Variants in SPRED2 observed in about 807,000 individuals in gnomAD.
SPRED2 encodes the protein sprouty related EVH1 domain containing 2, also known as sprouty-related, EVH1 domain-containing protein 2.
A neutral mutation model predicts 43.0 loss-of-function variants in SPRED2; 47 were observed. The ratio of observed to expected loss-of-function variants is 1.09; its 90% CI spans 0.87 to 1.40. The LOEUF (loss-of-function observed/expected upper bound fraction) is 1.40, where lower values mean the gene tolerates loss of function less well. Among genes scored for constraint, SPRED2 ranks in the 40% most tolerant of loss-of-function variants. The pLI is 0.00. For synonymous variants in SPRED2, 225 were observed against 225.7 expected, an observed-to-expected ratio of 1.00 and a Z score of 0.03; for missense variants, 561 against 586.4, an observed-to-expected ratio of 0.96 and a Z score of 0.45.
rs1225926285 is a variant in SPRED2 at position 65,335,375 on chromosome 2, ATTAACT to A, written c.205-608_205-603del. ...TGCTGCCACCCTGATCTGGGTCTCT[ATTAACT>A]TTATGTTTGGATTAATAGAACAATA... On this transcript the variant is annotated intron_variant, in intron 2 of 5. Coordinates refer to ENST00000356388, the MANE Select transcript of SPRED2 (RefSeq NM_181784.3). 6.6e-5 allele frequency among the ~76,000 whole-genome samples: 10 copies of A among 152,248 alleles called. No individual in the cohort carries two copies. The East Asian group carries it at 1.9e-3, about 29-fold the overall frequency.
At position 65,346,484 on chromosome 2, in the gene SPRED2, C is replaced by T. The variant is rs1280579913; in HGVS notation, c.27-1588G>A. On this transcript the variant is annotated intron_variant, in intron 1 of 5. Coordinates refer to ENST00000356388, the MANE Select transcript of SPRED2 (RefSeq NM_181784.3). The stretch of plus-strand genomic sequence containing the variant: ...AACTTTTCGTCATTCCAAACTGAAA[C>T]TCTGTACCTATGAAAAACACTAACT... 2.0e-5 allele frequency among the ~76,000 whole-genome samples: 3 copies of T among 152,284 alleles called. No individual in the cohort carries two copies. The East Asian group carries it at 5.8e-4, about 29-fold the overall frequency.
Position 65,311,288 on chromosome 2 carries a change from T to C in SPRED2, c.*2213A>G. 1.0e-6 allele frequency: 1 copy of C among 985,924 alleles called. No homozygotes were observed. The highest frequency in any genetic ancestry group is 1.2e-6 in the Non-Finnish European group (1 of 829,958). 61.1% of individuals were successfully genotyped at this position (985,924 alleles called of 1,614,324 possible). ...GTATTTACATAAATGTCCCCATGGC[T>C]GTCTTTGTGCCCTTAACCGATGCCT... On this transcript the variant is annotated 3_prime_UTR_variant, in exon 6 of 6. Coordinates refer to ENST00000356388, the MANE Select transcript of SPRED2 (RefSeq NM_181784.3).
chr2:65,334,834 C>T (rs1427904328), intron 2 of SPRED2, 61 bp from the exon 3 acceptor site: 13 of 1,577,426 alleles, frequency 8.2e-6, no homozygotes, highest in Non-Finnish European at 1.1e-5. Context: ...TGTCTGGTTA[C>T]AGAAGTCTAA....
At chr2:65,393,286 G>C (rs1362401764) in intron 1 of SPRED2, among the ~76,000 whole-genome samples, 1 of 150,100 alleles carries the variant, frequency 6.7e-6, no homozygotes, top group African/African-American at 2.5e-5. Context: ...GCTGAAAATT[G>C]CTATTTTATG....
chr2:65,333,280 AAG>A (rs1484937638), intron 3 of SPRED2, among the ~76,000 whole-genome samples: 21 of 152,008 alleles, frequency 1.4e-4, no homozygotes, highest in Non-Finnish European at 7.4e-5. Context: ...AAAAAAGAAA[AAG>A]AAAATATTTT....
At chr2:65,406,720 T>C (rs941231461) in intron 1 of SPRED2, among the ~76,000 whole-genome samples, 1 of 152,190 alleles carries the variant, frequency 6.6e-6, no homozygotes, top group Admixed American at 6.5e-5. Context: ...CTAAAAATAG[T>C]AACATCGTTT....
At chr2:65,430,890 C>T (rs1301016806) in intron 1 of SPRED2, among the ~76,000 whole-genome samples, 1 of 151,492 alleles carries the variant, frequency 6.6e-6, no homozygotes, top group Non-Finnish European at 1.5e-5. Context: ...TGGCTGGTGG[C>T]GGGCACAGCC....
At chr2:65,342,895 T>C (rs1336834647) in intron 2 of SPRED2, among the ~76,000 whole-genome samples, 1 of 152,198 alleles carries the variant, frequency 6.6e-6, no homozygotes, top group Non-Finnish European at 1.5e-5. Flanking sequence ...GAGGACCATT[T>C]GAAGCCCAGG....
intron 2 of SPRED2, among the ~76,000 whole-genome samples, chr2:65,338,854 A>C (rs1428229411): frequency 1.2e-4 from 17 of 143,834 alleles, no homozygotes; most frequent in African/African-American, 4.3e-4. Context: ...GGAAGTGAGG[A>C]GCGCCTCCTC....
At chr2:65,310,719 A>T (rs890825856), downstream of SPRED2, 13 of 283,002 alleles carry the variant, frequency 4.6e-5, no homozygotes, top group Non-Finnish European at 3.2e-5. Flanking sequence ...AGGGCCTTGA[A>T]AAAACAGACC....
intron 4 of SPRED2, among the ~76,000 whole-genome samples, chr2:65,322,023 C>T (rs1463079317): frequency 6.6e-6 from 1 of 151,756 alleles, no homozygotes; most frequent in African/African-American, 2.4e-5. Flanking sequence ...AATCTGCCCA[C>T]CTTGTCCTCC....
At chr2:65,396,640 G>C (rs1675764406) in intron 1 of SPRED2, among the ~76,000 whole-genome samples, 1 of 152,198 alleles carries the variant, frequency 6.6e-6, no homozygotes, top group African/African-American at 2.4e-5. Flanking sequence ...GGTTTGTCCT[G>C]GGACATACTA....
intron 1 of SPRED2, among the ~76,000 whole-genome samples, chr2:65,379,857 A>C (rs268139): frequency 0.48 from 72,904 of 151,970 alleles, 18,442 homozygotes; most frequent in African/African-American, 0.64. Flanking sequence ...GCTTGGTCAC[A>C]CATCCTCCTA....
chr2:65,399,143 G>A (rs866044567), intron 1 of SPRED2, among the ~76,000 whole-genome samples: 22 of 151,600 alleles, frequency 1.5e-4, no homozygotes, highest in African/African-American at 4.4e-4. Flanking sequence ...GGTGGCGGGC[G>A]CCTGTAGTCC....
intron 1 of SPRED2, among the ~76,000 whole-genome samples, chr2:65,371,801 C>T (rs186462875): frequency 2.6e-4 from 40 of 151,920 alleles, no homozygotes; most frequent in African/African-American, 8.9e-4. Context: ...CTCAACCGGG[C>T]GCGGTGGCTC....
chr2:65,378,396 T>C (rs1467503355), intron 1 of SPRED2, among the ~76,000 whole-genome samples: 1 of 152,232 alleles, frequency 6.6e-6, no homozygotes, highest in African/African-American at 2.4e-5. Context: ...GATGAAATTA[T>C]ATGTCAGGGA....
chr2:65,368,723 A>G (rs1308226759), intron 1 of SPRED2, among the ~76,000 whole-genome samples: 1 of 152,236 alleles, frequency 6.6e-6, no homozygotes, highest in African/African-American at 2.4e-5. Context: ...AACTGTTTCA[A>G]AATAAACTTA....
chr2:65,419,203 T>C (rs1454553212), intron 1 of SPRED2, among the ~76,000 whole-genome samples: 1 of 152,152 alleles, frequency 6.6e-6, no homozygotes, highest in East Asian at 1.9e-4. Flanking sequence ...TCCACTTGTG[T>C]ACCACACAGA....
At chr2:65,397,331 C>T (rs941555970) in intron 1 of SPRED2, among the ~76,000 whole-genome samples, 2 of 152,186 alleles carry the variant, frequency 1.3e-5, no homozygotes, top group African/African-American at 4.8e-5. Flanking sequence ...ATAAACCCAG[C>T]CCTCACCGCC....
Sources: gnomAD v4.1 joint callset for allele counts (sites outside exome capture counted in the v4.1 genomes callset) on GRCh38, gnomAD v4.1.1 for gene constraint, MANE v1.5 for transcripts, NCBI Gene and HGNC (gene_info 2026-07-23, HGNC 2026-07-21) for gene names.